Variants in LINGO2 observed in about 807,000 individuals in gnomAD.
The protein encoded by LINGO2 is leucine rich repeat and Ig domain containing 2, also known as leucine-rich repeat and immunoglobulin-like domain-containing nogo receptor-interacting protein 2.
In LINGO2, 14 loss-of-function variants were observed where a neutral mutation model predicts 30.6. The observed-to-expected ratio is 0.46, with a 90% confidence interval of 0.30 to 0.72. The LOEUF (loss-of-function observed/expected upper bound fraction) is 0.72. Ranked by LOEUF, LINGO2 falls within the 30% of genes least tolerant of loss-of-function variation. The pLI, the probability that LINGO2 is intolerant of heterozygous loss-of-function variation, is 0.07. For synonymous variants in LINGO2, 317 were observed against 288.5 expected (o/e 1.10, Z -1.00); for missense variants, 729 against 751.7 (o/e 0.97, Z 0.35).
chr9:29,211,117 A>G, the LINGO2 span, among the ~76,000 whole-genome samples: 1 of 152,150 alleles, frequency 6.6e-6, no homozygotes, highest in Non-Finnish European at 1.5e-5. Context: ...TATTCTAAAT[A>G]TTCGTCTTTG....
At chr9:28,044,794 T>G (rs1325826105) in intron 4 of LINGO2, among the ~76,000 whole-genome samples, 1 of 152,038 alleles carries the variant, frequency 6.6e-6, no homozygotes, top group African/African-American at 2.4e-5. Context: ...CTCTCAGGCA[T>G]ATGTTATAAG....
the LINGO2 span, among the ~76,000 whole-genome samples, chr9:29,062,695 T>G: frequency 1.3e-5 from 2 of 152,034 alleles, no homozygotes. Context: ...GAAATGGGGA[T>G]TTAATGTGTA....
chr9:28,047,362 G>C (rs575740861), intron 4 of LINGO2, among the ~76,000 whole-genome samples: 1 of 141,094 alleles, frequency 7.1e-6, no homozygotes, highest in Non-Finnish European at 1.5e-5. Flanking sequence ...CATACTGTAT[G>C]AAAGATCTAC....
intron 4 of LINGO2, among the ~76,000 whole-genome samples, chr9:28,021,519 A>G (rs2119368719): frequency 6.6e-6 from 1 of 152,226 alleles, no homozygotes; most frequent in South Asian, 2.1e-4. Context: ...TGATTGGTAG[A>G]GCTGTTTGGG....
At chr9:28,588,556 C>G (rs898711520) in intron 1 of LINGO2, among the ~76,000 whole-genome samples, 2 of 151,790 alleles carry the variant, frequency 1.3e-5, no homozygotes, top group Non-Finnish European at 2.9e-5. Context: ...TACCAGGAAT[C>G]AGCAGCTGGA....
the LINGO2 span, among the ~76,000 whole-genome samples, chr9:28,761,510 G>C: frequency 6.6e-6 from 1 of 150,960 alleles, no homozygotes; most frequent in Admixed American, 6.6e-5. Context: ...GCACACACAC[G>C]TGTGTGTGTA....
At chr9:28,580,941 A>G (rs990271507) in intron 1 of LINGO2, among the ~76,000 whole-genome samples, 1 of 152,078 alleles carries the variant, frequency 6.6e-6, no homozygotes, top group African/African-American at 2.4e-5. Flanking sequence ...ACTGTAAACA[A>G]AATAAATTCT....
intron 4 of LINGO2, among the ~76,000 whole-genome samples, chr9:28,109,238 A>C (rs868687555): frequency 6.6e-6 from 1 of 152,234 alleles, no homozygotes; most frequent in South Asian, 2.1e-4. Flanking sequence ...CATTGATGGA[A>C]CATATCTCAA....
the LINGO2 span, among the ~76,000 whole-genome samples, chr9:28,959,003 GGT>G: frequency 1.3e-5 from 2 of 152,150 alleles, no homozygotes; most frequent in Non-Finnish European, 2.9e-5. Flanking sequence ...GGTAGAACTT[GGT>G]GGAACACAAT....
At chr9:28,411,308 T>C (rs1822751789) in intron 2 of LINGO2, among the ~76,000 whole-genome samples, 1 of 152,062 alleles carries the variant, frequency 6.6e-6, no homozygotes, top group African/African-American at 2.4e-5. Context: ...GCAAAATGAT[T>C]TTATCCTTGG....
At chr9:28,095,943 CA>C (rs1264884343) in intron 4 of LINGO2, among the ~76,000 whole-genome samples, 1 of 152,136 alleles carries the variant, frequency 6.6e-6, no homozygotes, top group African/African-American at 2.4e-5. Context: ...TATTCAAGAT[CA>C]GCCTGGGCAA....
chr9:28,848,169 G>GTA, the LINGO2 span, among the ~76,000 whole-genome samples: 26 of 83,022 alleles, frequency 3.1e-4, no homozygotes, highest in Non-Finnish European at 4.1e-4. Flanking sequence ...TATATAGTGT[G>GTA]TATATATACA....
chr9:28,204,534 T>C (rs541119288), intron 4 of LINGO2, among the ~76,000 whole-genome samples: 2 of 152,276 alleles, frequency 1.3e-5, no homozygotes, highest in South Asian at 4.1e-4. Context: ...TCTCCTTACA[T>C]AGTGATGGGT....
the LINGO2 span, among the ~76,000 whole-genome samples, chr9:28,938,728 A>G: frequency 6.6e-6 from 1 of 152,214 alleles, no homozygotes; most frequent in African/African-American, 2.4e-5. Context: ...CATGCCATGT[A>G]GGTTTGTGTA....
At position 28,166,406 on chromosome 9, in the gene LINGO2, T is replaced by C. The variant is rs1465187352; in HGVS notation, c.-87+128802A>G. Reference sequence around the variant, plus strand: ...AGGTACCTACCGGATGCATTTGTTATGGTTAAATGAGATAATGTGCACAGC... The same window carrying C: ...AGGTACCTACCGGATGCATTTGTTACGGTTAAATGAGATAATGTGCACAGC... On this transcript the variant is annotated intron_variant, in intron 4 of 5. Coordinates refer to ENST00000379992, the Ensembl canonical transcript of LINGO2. Among the ~76,000 whole-genome samples, 9 of 152,208 alleles carry C rather than the reference T, an allele frequency of 5.9e-5. No individual in the cohort carries two copies. In the East Asian group the frequency reaches 1.5e-3, roughly 26 times the overall value.
intron 5 of LINGO2, among the ~76,000 whole-genome samples, chr9:27,971,457 G>C (rs1820352009): frequency 6.6e-6 from 1 of 152,074 alleles, no homozygotes; most frequent in Non-Finnish European, 1.5e-5. Context: ...ATCTGGACTT[G>C]CTGCAACCTC....
chr9:28,447,153 A>G (rs1824453267), intron 2 of LINGO2, among the ~76,000 whole-genome samples: 1 of 151,870 alleles, frequency 6.6e-6, no homozygotes, highest in Non-Finnish European at 1.5e-5. Flanking sequence ...TCCCCATATG[A>G]CTCTGGATTT....
the LINGO2 span, among the ~76,000 whole-genome samples, chr9:29,141,267 T>C: frequency 6.6e-6 from 1 of 152,012 alleles, no homozygotes; most frequent in Non-Finnish European, 1.5e-5. Flanking sequence ...ATATGTAATT[T>C]GTGTTATCAA....
At chr9:28,839,992 G>A in the LINGO2 span, among the ~76,000 whole-genome samples, 36 of 152,184 alleles carry the variant, frequency 2.4e-4, no homozygotes, top group African/African-American at 7.9e-4. Flanking sequence ...GTGTGTCAAC[G>A]TCACCCCAAG....
Sources: allele counts gnomAD v4.1 joint callset (sites outside exome capture counted in the v4.1 genomes callset), GRCh38; gene constraint gnomAD v4.1.1; transcripts MANE v1.5; gene names NCBI Gene and HGNC (gene_info 2026-07-23, HGNC 2026-07-21).